Variants in ZNF292 observed in about 807,000 individuals in gnomAD.
ZNF292 encodes the protein 16 zinc-finger domain protein.
A neutral mutation model predicts 217.9 loss-of-function variants in ZNF292; 26 were observed. That is an observed-to-expected ratio of 0.12 (90% CI 0.09 to 0.17). The LOEUF is 0.17. ZNF292 is among the 10% of genes least tolerant of loss of function. The pLI, the probability that ZNF292 is intolerant of heterozygous loss-of-function variation, is 1.00. For missense variants in ZNF292, 2,904 were observed against 3,175.2 expected (o/e 0.91, Z 2.05); for synonymous variants, 1,257 against 1,124.1 (o/e 1.12, Z -2.37).
intron 1 of ZNF292, chr6:87,174,160 A>C (rs568749419): frequency 6.4e-6 from 1 of 155,486 alleles, no homozygotes; most frequent in Non-Finnish European, 1.4e-5. Context: ...TAGCAGAGTG[A>C]TGTGCTTTTG....
In ZNF292 at chr6:87,243,566, C is replaced by T. The variant is rs751798867; in HGVS notation, c.833C>T (p.Ala278Val). The change falls in exon 6 of 8, where the codon GCG becomes GTG. Residue 278 changes from alanine to valine, a missense_variant. Physicochemically the swap from Ala to Val is moderately conservative, Grantham distance 64. Coordinates refer to ENST00000369577, the MANE Select transcript of ZNF292 (RefSeq NM_015021.3). ...DEKSALVLCT[A>V]FLSRQLQQGD... ...AAAAGCGCTCTTGTTTTATGTACTG[C>T]GTTTTTGTCACGTCAGCTCCAACAA... The T allele has an allele frequency of 9.6e-6, 15 of 1,555,520 alleles. No homozygotes were observed. Among genetic ancestry groups the T allele is most frequent in the Non-Finnish European group, 1.2e-5 (14 of 1,148,968 alleles).
chr6:87,180,799 A>G (rs1771449509), intron 1 of ZNF292, among the ~76,000 whole-genome samples: 3 of 152,112 alleles, frequency 2.0e-5, no homozygotes, highest in Admixed American at 2.0e-4. Flanking sequence ...TTCCGTGGAT[A>G]CCCTCACTCA....
At chr6:87,252,146 T>TG (rs1774951550) in intron 7 of ZNF292, among the ~76,000 whole-genome samples, 1 of 151,866 alleles carries the variant, frequency 6.6e-6, no homozygotes, top group Admixed American at 6.6e-5. Context: ...GTTTGTTTTT[T>TG]TTTTGTTTTT....
chr6:87,185,783 C>CTTT (rs1771629037), intron 1 of ZNF292, among the ~76,000 whole-genome samples: 1 of 152,006 alleles, frequency 6.6e-6, no homozygotes, highest in Non-Finnish European at 1.5e-5. Context: ...ATTTTTCTTA[C>CTTT]TTTTTATTTT....
At chr6:87,194,908 T>G (rs1771911809) in intron 1 of ZNF292, among the ~76,000 whole-genome samples, 1 of 143,594 alleles carries the variant, frequency 7.0e-6, no homozygotes. Context: ...GTCTATATAC[T>G]ATATTAAATT....
chr6:87,188,856 A>G (rs547578053), intron 1 of ZNF292, among the ~76,000 whole-genome samples: 43 of 152,100 alleles, frequency 2.8e-4, no homozygotes, highest in Middle Eastern at 6.8e-3. Flanking sequence ...TTTTAATACA[A>G]TGCAGATAAA....
intron 1 of ZNF292, among the ~76,000 whole-genome samples, chr6:87,208,140 C>T (rs1328360804): frequency 6.6e-6 from 1 of 152,110 alleles, no homozygotes; most frequent in Non-Finnish European, 1.5e-5. Context: ...TCCAGTGTTG[C>T]AGTTGAGAAG....
At chr6:87,167,192 G>A (rs1582371324) in intron 1 of ZNF292, among the ~76,000 whole-genome samples, 1 of 152,318 alleles carries the variant, frequency 6.6e-6, no homozygotes, top group East Asian at 1.9e-4. Context: ...GTTACTTGGT[G>A]CGTGATTTGT....
chr6:87,256,204 C>G lies in ZNF292; in HGVS notation c.2575C>G (p.Gln859Glu). The G allele has an allele frequency of 6.2e-7, 1 of 1,613,532 alleles. No homozygotes were observed. Among genetic ancestry groups the G allele is most frequent in the Non-Finnish European group, 8.5e-7 (1 of 1,179,544 alleles). Reference sequence around the variant, plus strand: ...TTCCATTCAGCCTTCTGAAGTGAATCAGAACACAGCAGAGAATATTGAGAA... The same window carrying G: ...TTCCATTCAGCCTTCTGAAGTGAATGAGAACACAGCAGAGAATATTGAGAA... ...GDSIQPSEVN[Q>E]NTAENIEKER... is the part of the protein sequence containing the mutation. Residue 859 changes from glutamine to glutamate, a missense_variant, in exon 8 of 8, where the codon CAG (glutamine) becomes GAG (glutamate). Physicochemically the swap from Gln to Glu is conservative, Grantham distance 29. Transcript: ENST00000369577.
At chr6:87,197,488 A>G (rs1771984311) in intron 1 of ZNF292, among the ~76,000 whole-genome samples, 1 of 150,310 alleles carries the variant, frequency 6.7e-6, no homozygotes, top group South Asian at 2.1e-4. Context: ...TAATCCCAGC[A>G]CTTTGGGAGG....
chr6:87,182,173 T>C (rs962827683), intron 1 of ZNF292, among the ~76,000 whole-genome samples: 1 of 152,208 alleles, frequency 6.6e-6, no homozygotes, highest in Non-Finnish European at 1.5e-5. Context: ...AATGCAGTTA[T>C]TCACTCTAGT....
intron 1 of ZNF292, among the ~76,000 whole-genome samples, chr6:87,158,809 T>C (rs575146049): frequency 1.3e-5 from 2 of 152,374 alleles, no homozygotes; most frequent in Non-Finnish European, 2.9e-5. Context: ...CCAGGGATAC[T>C]AGGAGCTAGA....
intron 1 of ZNF292, among the ~76,000 whole-genome samples, chr6:87,160,646 T>TGTGC (rs1282743285): frequency 1.4e-5 from 2 of 148,026 alleles, no homozygotes; most frequent in Non-Finnish European, 3.0e-5. Context: ...GTATACGGTG[T>TGTGC]GTGTGTGTGT....
rs1770627557 is a variant in ZNF292, at chr6:87,158,752, CAATGGTTAACAATT to C, written c.168+2996_168+3009del. Among the ~76,000 whole-genome samples the C allele has an allele frequency of 3.3e-5, 5 of 152,220 alleles. No individual in the cohort carries two copies. The South Asian group carries it at 1.0e-3, about 32-fold the overall frequency. On this transcript the variant is annotated intron_variant, in intron 1 of 7. Transcript: ENST00000369577. ...CATTTTGATACGAAGTTGAGTGAAG[CAATGGTTAACAATT>C]AAAGAATTTATTGGCGCAATCTAAA... is the stretch of plus-strand genomic sequence containing the variant.
In ZNF292 at chr6:87,256,703, T is replaced by C; in HGVS notation, c.3074T>C (p.Val1025Ala). 6.2e-7 allele frequency: 1 copy of C among 1,613,056 alleles called. No individual in the cohort carries two copies. Residue 1025 changes from valine (V) to alanine (A), a missense_variant, in exon 8 of 8, where the codon GTG (valine) becomes GCG (alanine). Transcript: ENST00000369577. ...ACCCCACAAAACTTAGAAAGACAAG[T>C]GAACAACTTGATGACCTTTTCTGTG... ...DLTPQNLERQ[V>A]NNLMTFSVQN...
At chr6:87,182,746 T>A (rs2127778980) in intron 1 of ZNF292, among the ~76,000 whole-genome samples, 1 of 152,368 alleles carries the variant, frequency 6.6e-6, no homozygotes, top group East Asian at 1.9e-4. Context: ...GTGTTAAATT[T>A]GCTATATCCA....
intron 1 of ZNF292, among the ~76,000 whole-genome samples, chr6:87,201,631 C>T (rs1433628451): frequency 6.6e-6 from 1 of 152,082 alleles, no homozygotes; most frequent in Admixed American, 6.5e-5. Flanking sequence ...CTTGAACCCC[C>T]GACCTCAAGT....
intron 5 of ZNF292, among the ~76,000 whole-genome samples, chr6:87,240,895 C>G (rs925840065): frequency 6.6e-6 from 1 of 152,202 alleles, no homozygotes; most frequent in Non-Finnish European, 1.5e-5. Context: ...AGATCACAGA[C>G]TATGAAGCTA....
At chr6:87,247,747 C>T (rs1774675854) in intron 7 of ZNF292, among the ~76,000 whole-genome samples, 1 of 152,076 alleles carries the variant, frequency 6.6e-6, no homozygotes, top group South Asian at 2.1e-4. Flanking sequence ...GGATTACTTG[C>T]CTAATACTTT....
Sources: allele counts gnomAD v4.1 joint callset (sites outside exome capture counted in the v4.1 genomes callset), GRCh38; gene constraint gnomAD v4.1.1; transcripts MANE v1.5; gene names NCBI Gene and HGNC (gene_info 2026-07-23, HGNC 2026-07-21).